Variants in C10orf143 observed in about 807,000 individuals in gnomAD.
C10orf143 encodes the protein chromosome 10 open reading frame 143.
chr10:130,079,538 G>C, intron 3 of C10orf143, 28 bp downstream of exon 3: 1 of 398,936 alleles, frequency 2.5e-6, no homozygotes. Flanking sequence ...TATCTTTTAT[G>C]TCACAGCAAG....
intron 1 of C10orf143, among the ~76,000 whole-genome samples, chr10:130,103,582 G>C (rs955160451): frequency 6.6e-6 from 1 of 152,108 alleles, no homozygotes; most frequent in Admixed American, 6.5e-5. Context: ...CAAGGTAGGC[G>C]GATCACTTGA....
chr10:130,084,893 G>C (rs576199492), intron 1 of C10orf143, among the ~76,000 whole-genome samples: 1 of 152,220 alleles, frequency 6.6e-6, no homozygotes, highest in South Asian at 2.1e-4. Context: ...TAAAATGAGG[G>C]CATGTCAAAA....
At chr10:130,084,037 A>G (rs1201298604) in intron 1 of C10orf143, among the ~76,000 whole-genome samples, 4 of 152,124 alleles carry the variant, frequency 2.6e-5, no homozygotes, top group African/African-American at 4.8e-5. Flanking sequence ...TGGGCCAGGC[A>G]TGGTGGCTCA....
intron 1 of C10orf143, among the ~76,000 whole-genome samples, chr10:130,084,842 G>A (rs1861266610): frequency 6.6e-6 from 1 of 152,184 alleles, no homozygotes; most frequent in African/African-American, 2.4e-5. Flanking sequence ...TACAAGATGA[G>A]CCTCAAACAC....
rs533714260 is a variant in C10orf143, at chr10:130,040,463, CT to C, written c.298-4494del. Among the ~76,000 whole-genome samples, 66 of 152,336 alleles carry C rather than the reference CT, an allele frequency of 4.3e-4. 2 individuals are homozygous for C. The highest frequency in any genetic ancestry group is 3.9e-3 in the Admixed American group (59 of 15,300). ...AAGACACTGAGTACTGAGTCACATT[CT>C]TCCTGCACATCAGAATAAGGCAGCA... On this transcript the variant is annotated intron_variant and NMD_transcript_variant, in intron 3 of 5. Transcript: ENST00000643056.
rs758703852 is a variant in C10orf143, at chr10:130,107,076, C to A, written c.69+3628G>T. ...ATCCAGTTACCTGAAATTGATAAAA[C>A]AAAGGAAGAGCTTACAGAGCATATT... On this transcript the variant is annotated intron_variant, in intron 1 of 3. Transcript: ENST00000637128. 1.9e-6 allele frequency: 3 copies of A among 1,558,314 alleles called. No homozygotes were observed. The Admixed American group carries it at 5.0e-5, about 26-fold the overall frequency.
At chr10:130,045,884 T>C (rs1332459682) in intron 3 of C10orf143, among the ~76,000 whole-genome samples, 8 of 152,046 alleles carry the variant, frequency 5.3e-5, no homozygotes, top group Non-Finnish European at 8.8e-5. Flanking sequence ...ATCCGTCGTG[T>C]GGAGAACGTG....
At chr10:130,080,578 T>G (rs529394376) in intron 1 of C10orf143, among the ~76,000 whole-genome samples, 1 of 152,208 alleles carries the variant, frequency 6.6e-6, no homozygotes, top group Non-Finnish European at 1.5e-5. Context: ...TAAACAGTCA[T>G]GGAGGCCACC....
At chr10:130,058,200 A>C (rs1371913613) in intron 3 of C10orf143, among the ~76,000 whole-genome samples, 3 of 152,160 alleles carry the variant, frequency 2.0e-5, no homozygotes, top group African/African-American at 7.2e-5. Flanking sequence ...CATTTTAACC[A>C]GACACCCACC....
At chr10:130,038,816 C>A (rs1232041729) in intron 3 of C10orf143, among the ~76,000 whole-genome samples, 1 of 152,118 alleles carries the variant, frequency 6.6e-6, no homozygotes, top group Non-Finnish European at 1.5e-5. Context: ...CATTAAGCAC[C>A]GACTGTGTAT....
chr10:130,059,455 G>A (rs1390874072), downstream of C10orf143, among the ~76,000 whole-genome samples: 1 of 152,154 alleles, frequency 6.6e-6, no homozygotes, highest in East Asian at 1.9e-4. Context: ...GTAGAAAAAT[G>A]GGCAAAGGTG....
At chr10:130,107,677 A>T (rs757497102) in intron 1 of C10orf143, 1 of 1,297,218 alleles carries the variant, frequency 7.7e-7, no homozygotes. Flanking sequence ...GTCCACTCAG[A>T]CTCTCACCTT....
intron 3 of C10orf143, among the ~76,000 whole-genome samples, chr10:130,049,691 G>A (rs1251346964): frequency 5.3e-5 from 8 of 152,310 alleles, no homozygotes; most frequent in Non-Finnish European, 8.8e-5. Context: ...CTTTGTTGTC[G>A]CTGCTACCAG....
chr10:130,064,881 T>A (rs973620830), intron 3 of C10orf143: 2 of 152,280 alleles, frequency 1.3e-5, no homozygotes, highest in African/African-American at 2.4e-5. Flanking sequence ...CAGAAGTAAC[T>A]GGGAGAACCA....
At chr10:130,105,952 G>A (rs1246667633) in intron 1 of C10orf143, 5 of 386,242 alleles carry the variant, frequency 1.3e-5, no homozygotes, top group African/African-American at 1.1e-4. Flanking sequence ...CGGTTGCCGG[G>A]TGCGGATTCG....
At chr10:130,084,267 T>C (rs985561101) in intron 1 of C10orf143, among the ~76,000 whole-genome samples, 2 of 152,072 alleles carry the variant, frequency 1.3e-5, no homozygotes, top group East Asian at 3.9e-4. Context: ...TGAGCCAAGA[T>C]TGCACCACTG....
intron 1 of C10orf143, among the ~76,000 whole-genome samples, chr10:130,088,897 G>A (rs553485608): frequency 6.6e-6 from 1 of 152,332 alleles, no homozygotes; most frequent in East Asian, 1.9e-4. Context: ...AGGGCCAGAA[G>A]TTAGGATTCT....
rs187126728 is a variant in C10orf143 at position 130,035,548 on chromosome 10, G to A, written c.410+310C>T. Among the ~76,000 whole-genome samples, 19 of 152,286 alleles carry A rather than the reference G, an allele frequency of 1.2e-4. No homozygotes were observed. The East Asian group carries it at 1.4e-3, about 11-fold the overall frequency. On this transcript the variant is annotated intron_variant and NMD_transcript_variant, in intron 4 of 5. Coordinates refer to the C10orf143 transcript ENST00000643056. The stretch of plus-strand genomic sequence containing the variant: ...GCTGCCTCATGGCCCCTATGTTGTG[G>A]GGCATTCAGGCAGCAACTCCCCAGG...
At chr10:130,075,133 T>C (rs1488705450) in intron 3 of C10orf143, among the ~76,000 whole-genome samples, 1 of 152,046 alleles carries the variant, frequency 6.6e-6, no homozygotes. Flanking sequence ...AATGCTGGTA[T>C]CCAGAATCAA....
Sources: allele counts gnomAD v4.1 joint callset (sites outside exome capture counted in the v4.1 genomes callset), GRCh38; gene constraint gnomAD v4.1.1; transcripts MANE v1.5; gene names NCBI Gene and HGNC (gene_info 2026-07-23, HGNC 2026-07-21).